ROR1: variants seen among roughly 807,000 people sequenced by gnomAD.
The protein encoded by ROR1 is ROR family WNT receptor 1.
In ROR1, 19 loss-of-function variants were observed where a neutral mutation model predicts 78.8. That is an observed-to-expected ratio of 0.24 (90% confidence interval 0.17 to 0.35). ROR1 has a LOEUF of 0.35. ROR1 is among the 10% of genes least tolerant of loss of function. The pLI is 1.00. For synonymous variants in ROR1, 386 were observed against 433.6 expected (o/e 0.89, Z 1.36); for missense variants, 917 against 1,177.8 (o/e 0.78, Z 3.24).
intron 1 of ROR1, among the ~76,000 whole-genome samples, chr1:63,982,476 G>A (rs994129234): frequency 6.6e-6 from 1 of 152,176 alleles, no homozygotes; most frequent in African/African-American, 2.4e-5. Context: ...TATTCAATAA[G>A]ATAACACCAT....
At chr1:63,793,098 T>C (rs1210102895) in intron 1 of ROR1, among the ~76,000 whole-genome samples, 1 of 152,226 alleles carries the variant, frequency 6.6e-6, no homozygotes, top group Non-Finnish European at 1.5e-5. Flanking sequence ...TTTAAAATTA[T>C]TCTATGCATT....
chr1:63,886,347 A>G (rs1416371956), intron 1 of ROR1, among the ~76,000 whole-genome samples: 1 of 152,188 alleles, frequency 6.6e-6, no homozygotes, highest in Admixed American at 6.5e-5. Flanking sequence ...TATGGGCTGC[A>G]TTCTTTTTTG....
chr1:63,818,036 A>G (rs1644902693), intron 1 of ROR1, among the ~76,000 whole-genome samples: 1 of 152,220 alleles, frequency 6.6e-6, no homozygotes, highest in Non-Finnish European at 1.5e-5. Context: ...CAGCCTTTAC[A>G]GTAACCCTGT....
chr1:64,067,432 G>C (rs1340742878), intron 4 of ROR1, among the ~76,000 whole-genome samples: 1 of 116,748 alleles, frequency 8.6e-6, no homozygotes, highest in African/African-American at 3.5e-5. Flanking sequence ...GCGACAGAGC[G>C]AGCCTCCGTC....
At chr1:64,109,079 G>A (rs924438623) in intron 4 of ROR1, among the ~76,000 whole-genome samples, 2 of 152,068 alleles carry the variant, frequency 1.3e-5, no homozygotes, top group Non-Finnish European at 2.9e-5. Flanking sequence ...ACAAACCCCC[G>A]GCTTAGATCT....
At chr1:64,037,653 T>C (rs1018057980) in intron 2 of ROR1, among the ~76,000 whole-genome samples, 1 of 152,136 alleles carries the variant, frequency 6.6e-6, no homozygotes, top group Non-Finnish European at 1.5e-5. Flanking sequence ...GGGTGTGCAG[T>C]TGACATTTAT....
Position 63,780,351 on chromosome 1 carries a change from CT to C in ROR1, c.91+5846del, listed in dbSNP as rs368702432. ...TAGGGAATGGGGGTTTGAATTGGGGCTTTGTTGCCTTCTTGGGCAAAGTTAC... is the reference window on the plus strand; with the variant it reads ...TAGGGAATGGGGGTTTGAATTGGGGCTTGTTGCCTTCTTGGGCAAAGTTAC... On this transcript the variant is annotated intron_variant, in intron 1 of 8. Transcript: ENST00000371079. Among the ~76,000 whole-genome samples, 31 of 152,186 alleles carry C rather than the reference CT, an allele frequency of 2.0e-4. No homozygotes were observed. The East Asian group carries it at 2.9e-3, about 14-fold the overall frequency.
At chr1:64,093,296 A>C (rs1328363556) in intron 4 of ROR1, among the ~76,000 whole-genome samples, 1 of 152,066 alleles carries the variant, frequency 6.6e-6, no homozygotes, top group African/African-American at 2.4e-5. Context: ...GGTTGCTGAA[A>C]ATGTCCAGGC....
Position 64,159,157 on chromosome 1 carries a change from G to T in ROR1, c.1351G>T (p.Val451Leu). The T allele has an allele frequency of 6.2e-7, 1 of 1,614,110 alleles. No homozygotes were observed. The highest frequency in any genetic ancestry group is 8.5e-7 in the Non-Finnish European group (1 of 1,179,976). The change falls in exon 8 of 9, where the codon GTA becomes TTA. Residue 451 changes from valine (V) to leucine (L), a missense_variant. Val to Leu is a conservative substitution (Grantham distance 32, BLOSUM62 1). Transcript: ENST00000371079. ...RQPKHVRGQN[V>L]EMSMLNAYKP... The stretch of plus-strand genomic sequence containing the variant: ...ACCAAAACACGTCAGAGGTCAAAAT[G>T]TAGAGATGTCAATGCTGAATGCATA...
chr1:64,069,403 T>G (rs1646983935), intron 4 of ROR1, among the ~76,000 whole-genome samples: 1 of 152,206 alleles, frequency 6.6e-6, no homozygotes, highest in Admixed American at 6.5e-5. Flanking sequence ...CAATAGTACA[T>G]GTTTGAATCA....
In ROR1 at chr1:63,804,880, C is replaced by G. The variant is rs546361160; in HGVS notation, c.91+30372C>G. Among the ~76,000 whole-genome samples, 9 of 152,282 alleles carry G rather than the reference C, an allele frequency of 5.9e-5. No individual in the cohort carries two copies. In the East Asian group the frequency reaches 1.5e-3, roughly 26 times the overall value. On this transcript the variant is annotated intron_variant, in intron 1 of 8. Transcript: ENST00000371079. ...CTAGGCTCCTGAATCAGAATGTCCCCTGAGGTGCCATTGGGCTGTTTGACC... is the reference window on the plus strand; with the variant it reads ...CTAGGCTCCTGAATCAGAATGTCCCGTGAGGTGCCATTGGGCTGTTTGACC...
intron 1 of ROR1, among the ~76,000 whole-genome samples, chr1:63,857,101 T>G (rs668903): frequency 0.44 from 66,350 of 151,858 alleles, 18,201 homozygotes; most frequent in African/African-American, 0.79. Flanking sequence ...ATGAATGAAT[T>G]AATAAATAAA....
chr1:63,842,560 T>C (rs553419305), intron 1 of ROR1, among the ~76,000 whole-genome samples: 2 of 152,272 alleles, frequency 1.3e-5, no homozygotes, highest in South Asian at 4.1e-4. Flanking sequence ...TAAACATCTT[T>C]GAAAAGTTAG....
At chr1:63,792,336 G>A (rs1034107358) in intron 1 of ROR1, among the ~76,000 whole-genome samples, 3 of 152,176 alleles carry the variant, frequency 2.0e-5, no homozygotes, top group African/African-American at 4.8e-5. Context: ...CAGGTGCCGC[G>A]ACAACCCTAT....
chr1:63,998,181 G>A (rs1352513206), intron 1 of ROR1, among the ~76,000 whole-genome samples: 1 of 152,008 alleles, frequency 6.6e-6, no homozygotes, highest in South Asian at 2.1e-4. Flanking sequence ...CTCTCAAGAA[G>A]TTTACTGTCT....
At chr1:63,790,396 A>G (rs1644718638) in intron 1 of ROR1, among the ~76,000 whole-genome samples, 1 of 152,212 alleles carries the variant, frequency 6.6e-6, no homozygotes, top group African/African-American at 2.4e-5. Flanking sequence ...CCAACAGTTG[A>G]GGAATCCAGC....
At chr1:63,990,914 AC>A (rs1483229201) in intron 1 of ROR1, among the ~76,000 whole-genome samples, 2 of 152,146 alleles carry the variant, frequency 1.3e-5, no homozygotes, top group African/African-American at 2.4e-5. Flanking sequence ...GCATATTAAA[AC>A]TATGTATAAA....
intron 4 of ROR1, among the ~76,000 whole-genome samples, chr1:64,071,396 G>A (rs75348626): frequency 0.043 from 6,566 of 152,208 alleles, 472 homozygotes; most frequent in African/African-American, 0.15. Context: ...GGTCGGGGTA[G>A]GTGAGTTGTA....
At chr1:64,022,644 A>G (rs1646574035) in intron 2 of ROR1, among the ~76,000 whole-genome samples, 2 of 152,206 alleles carry the variant, frequency 1.3e-5, no homozygotes, top group Non-Finnish European at 2.9e-5. Context: ...TTGTGTCCTC[A>G]GTTGTCACAC....
Sources: gnomAD v4.1 joint callset for allele counts (sites outside exome capture counted in the v4.1 genomes callset) on GRCh38, gnomAD v4.1.1 for gene constraint, MANE v1.5 for transcripts, NCBI Gene and HGNC (gene_info 2026-07-23, HGNC 2026-07-21) for gene names.